The following TENM4 variants were observed in gnomAD, a reference collection of about 807,000 sequenced individuals.
TENM4 encodes teneurin-4.
TENM4 carries 82 observed loss-of-function variants against 243.3 expected under a neutral mutation model. The ratio of observed to expected loss-of-function variants is 0.34; its 90% CI spans 0.28 to 0.40. The LOEUF is 0.40. Among genes scored for constraint, TENM4 ranks in the 10% least tolerant of loss-of-function variants. TENM4 has a pLI of 1.00. For synonymous variants in TENM4, 1,412 were observed against 1,456.3 expected, an observed-to-expected ratio of 0.97 and a Z score of 0.69; for missense variants, 3,138 against 3,673.3, an observed-to-expected ratio of 0.85 and a Z score of 3.77.
chr11:79,101,001 G>A (rs1036974384), intron 4 of TENM4, among the ~76,000 whole-genome samples: 1 of 152,122 alleles, frequency 6.6e-6, no homozygotes, highest in African/African-American at 2.4e-5. Context: ...TGGGGAGAGT[G>A]CTTCTCTGGG....
At chr11:78,777,994 A>C (rs150610346) in intron 17 of TENM4, among the ~76,000 whole-genome samples, 18 of 152,304 alleles carry the variant, frequency 1.2e-4, no homozygotes, top group African/African-American at 4.1e-4. Flanking sequence ...AAAACTTACC[A>C]AAGTCAGGCC....
chr11:79,276,675 T>A (rs1018538729), intron 2 of TENM4, among the ~76,000 whole-genome samples: 13 of 152,060 alleles, frequency 8.5e-5, no homozygotes, highest in Admixed American at 8.5e-4. Context: ...CCTCCAGGAC[T>A]CTCTACAGCT....
At chr11:78,775,253 G>T (rs1856718951) in intron 17 of TENM4, among the ~76,000 whole-genome samples, 1 of 152,188 alleles carries the variant, frequency 6.6e-6, no homozygotes, top group South Asian at 2.1e-4. Context: ...GGGAAGCCCT[G>T]CTCTAGTGAA....
chr11:79,031,773 G>A (rs995739942), intron 6 of TENM4, among the ~76,000 whole-genome samples: 26 of 152,196 alleles, frequency 1.7e-4, no homozygotes, highest in African/African-American at 5.3e-4. Flanking sequence ...GTGAGTGAAC[G>A]TTGCTTCTAC....
intron 1 of TENM4, among the ~76,000 whole-genome samples, chr11:79,321,655 A>AG (rs1433345794): frequency 2.0e-4 from 30 of 151,176 alleles, no homozygotes; most frequent in African/African-American, 7.3e-4. Flanking sequence ...AAAAAAAAAA[A>AG]AAAAAAAAAG....
chr11:79,265,542 CT>C (rs5792847), intron 2 of TENM4, among the ~76,000 whole-genome samples: 103,653 of 151,972 alleles, frequency 0.68, 35,504 homozygotes, highest in Admixed American at 0.71. Flanking sequence ...TTAATTTCCC[CT>C]GTTTCTGTTC....
At chr11:78,798,714 CTTG>C (rs777882445) in intron 15 of TENM4, among the ~76,000 whole-genome samples, 4 of 152,084 alleles carry the variant, frequency 2.6e-5, no homozygotes, top group Non-Finnish European at 2.9e-5. Flanking sequence ...ATGCTCTCTA[CTTG>C]TGCACACGCT....
At chr11:78,810,536 G>A (rs1857476168) in intron 14 of TENM4, among the ~76,000 whole-genome samples, 1 of 152,156 alleles carries the variant, frequency 6.6e-6, no homozygotes, top group South Asian at 2.1e-4. Flanking sequence ...AGCAGATGAA[G>A]GTCACCATTC....
At position 79,277,612 on chromosome 11, in the gene TENM4, C is replaced by T. The variant is rs147655264; in HGVS notation, c.-265+19876G>A. On this transcript the variant is annotated intron_variant, in intron 2 of 33. Transcript: ENST00000278550. The stretch of plus-strand genomic sequence containing the variant: ...ATGGTGTGAGTGTGCTACTTCTGCA[C>T]GGTCCATAGTTAGGGGCAGGGAAGC... Among the ~76,000 whole-genome samples the T allele has an allele frequency of 2.2e-3, 328 of 152,258 alleles. 2 individuals are homozygous for T. The highest frequency in any genetic ancestry group is 6.7e-3 in the African/African-American group (279 of 41,554).
At position 78,670,402 on chromosome 11, in the gene TENM4, G is replaced by A. The variant is rs1255428985; in HGVS notation, c.5943C>T (p.Pro1981=). ...GTATGACTGAGGCATTGCCCTCAGGGGGCTGATAGATGTTTCTGTAGTAGC... is the reference window on the plus strand; with the variant it reads ...GTATGACTGAGGCATTGCCCTCAGGAGGCTGATAGATGTTTCTGTAGTAGC... ...SVGYYRNIYQ[P]PEGNASVIQD... is the part of the protein sequence containing the mutation. Residue 1981 remains proline, a synonymous_variant, in exon 32 of 34, where the codon CCC becomes CCT. Coordinates refer to ENST00000278550, the MANE Select transcript of TENM4 (RefSeq NM_001098816.3). The A allele has an allele frequency of 1.2e-6, 2 of 1,613,846 alleles. No individual in the cohort carries two copies. Among genetic ancestry groups the A allele is most frequent in the Non-Finnish European group, 1.7e-6 (2 of 1,179,902 alleles).
intron 6 of TENM4, among the ~76,000 whole-genome samples, chr11:79,044,353 C>T (rs988721633): frequency 6.6e-6 from 1 of 152,132 alleles, no homozygotes; most frequent in Non-Finnish European, 1.5e-5. Flanking sequence ...ATCTAGCAGG[C>T]CAAATCTAGC....
chr11:79,396,510 T>A (rs570159939), intron 1 of TENM4, among the ~76,000 whole-genome samples: 7 of 152,308 alleles, frequency 4.6e-5, no homozygotes, highest in African/African-American at 1.7e-4. Context: ...CAGACCTAAA[T>A]GGTCACTTCT....
intron 6 of TENM4, among the ~76,000 whole-genome samples, chr11:78,933,573 C>A (rs1343857245): frequency 1.3e-5 from 2 of 152,166 alleles, no homozygotes; most frequent in Admixed American, 6.5e-5. Flanking sequence ...CACCCAGCCA[C>A]GTTAAATGCC....
intron 1 of TENM4, among the ~76,000 whole-genome samples, chr11:79,350,653 T>G (rs1857399757): frequency 6.6e-6 from 1 of 151,420 alleles, no homozygotes; most frequent in African/African-American, 2.4e-5. Flanking sequence ...TCACCCAGGC[T>G]GGTCTCGAAC....
intron 6 of TENM4, among the ~76,000 whole-genome samples, chr11:78,967,567 C>T (rs528553978): frequency 6.6e-6 from 1 of 152,282 alleles, no homozygotes; most frequent in South Asian, 2.1e-4. Context: ...ATTGGCTCAG[C>T]TCGGGCAGGA....
At chr11:78,916,496 C>T (rs1856320174) in intron 6 of TENM4, among the ~76,000 whole-genome samples, 1 of 152,236 alleles carries the variant, frequency 6.6e-6, no homozygotes, top group African/African-American at 2.4e-5. Context: ...TGTCCATGTA[C>T]AGTCTTTAGG....
intron 6 of TENM4, among the ~76,000 whole-genome samples, chr11:79,024,669 A>C (rs965446934): frequency 6.6e-6 from 1 of 152,220 alleles, no homozygotes; most frequent in African/African-American, 2.4e-5. Context: ...AGACTCTAGC[A>C]TACCCCTGGG....
At chr11:78,990,189 C>G (rs1249854756) in intron 6 of TENM4, among the ~76,000 whole-genome samples, 1 of 152,058 alleles carries the variant, frequency 6.6e-6, no homozygotes, top group Non-Finnish European at 1.5e-5. Flanking sequence ...TTTGTTCTAA[C>G]CCATAATTTT....
chr11:79,433,772 C>T (rs551402193), intron 1 of TENM4, among the ~76,000 whole-genome samples: 2 of 152,272 alleles, frequency 1.3e-5, no homozygotes, highest in South Asian at 4.1e-4. Context: ...AAGAAAAGCT[C>T]TGATTTGATG....
Sources: allele counts gnomAD v4.1 joint callset (sites outside exome capture counted in the v4.1 genomes callset), GRCh38; gene constraint gnomAD v4.1.1; transcripts MANE v1.5; gene names NCBI Gene and HGNC (gene_info 2026-07-23, HGNC 2026-07-21).